Variants in KIFAP3 observed in about 807,000 individuals in gnomAD.
The protein encoded by KIFAP3 is kinesin-associated protein 3.
A neutral mutation model predicts 106.5 loss-of-function variants in KIFAP3; 68 were observed. The observed-to-expected ratio is 0.64, with a 90% CI of 0.53 to 0.78. KIFAP3 has a LOEUF of 0.78. KIFAP3 is among the 30% of genes least tolerant of loss of function. The pLI is 0.00. For missense variants in KIFAP3, 780 were observed against 941.8 expected (o/e 0.83, Z 2.25); for synonymous variants, 320 against 311.5 (o/e 1.03, Z -0.29).
chr1:170,018,326 G>A (rs1668625078), intron 9 of KIFAP3, among the ~76,000 whole-genome samples: 1 of 152,048 alleles, frequency 6.6e-6, no homozygotes, highest in Admixed American at 6.6e-5. Flanking sequence ...TGAAGAAAAG[G>A]TTTGCAAACC....
At chr1:169,994,226 G>A (rs1306671403) in intron 10 of KIFAP3, among the ~76,000 whole-genome samples, 1 of 152,160 alleles carries the variant, frequency 6.6e-6, no homozygotes, top group Non-Finnish European at 1.5e-5. Context: ...TTGCCACACA[G>A]CCTTGTCAGT....
chr1:170,006,365 A>C (rs555010048), intron 10 of KIFAP3, among the ~76,000 whole-genome samples: 108 of 152,278 alleles, frequency 7.1e-4, no homozygotes, highest in Non-Finnish European at 1.2e-3. Flanking sequence ...TGCCATGCTA[A>C]TGGTGGTTCA....
intron 19 of KIFAP3, among the ~76,000 whole-genome samples, chr1:169,928,723 T>TAAAAAAAAAAAAAA (rs1258694998): frequency 4.4e-4 from 29 of 65,346 alleles, no homozygotes; most frequent in African/African-American, 5.9e-4. Flanking sequence ...AAAAAAAAAT[T>TAAAAAAAAAAAAAA]AAAGTTATAC....
At chr1:169,954,292 T>C (rs998557464) in intron 18 of KIFAP3, among the ~76,000 whole-genome samples, 182 bp from the exon 19 acceptor site, 1 of 152,226 alleles carries the variant, frequency 6.6e-6, no homozygotes, top group Non-Finnish European at 1.5e-5. Flanking sequence ...TGGTTCACAA[T>C]AATGCAGCAC....
chr1:170,056,385 A>G (rs768660793), intron 1 of KIFAP3, among the ~76,000 whole-genome samples: 1 of 152,294 alleles, frequency 6.6e-6, no homozygotes, highest in East Asian at 1.9e-4. Context: ...TCAAGCCAAT[A>G]AAGTCGCAAA....
intron 1 of KIFAP3, among the ~76,000 whole-genome samples, chr1:170,066,807 C>T (rs1671470596): frequency 1.3e-5 from 2 of 152,058 alleles, no homozygotes; most frequent in Non-Finnish European, 2.9e-5. Flanking sequence ...ACCAACAAGA[C>T]TAAAAAGCCC....
At chr1:170,003,508 G>A (rs556798026) in intron 10 of KIFAP3, among the ~76,000 whole-genome samples, 10 of 152,180 alleles carry the variant, frequency 6.6e-5, no homozygotes, top group East Asian at 3.9e-4. Flanking sequence ...CAGTCTGCCC[G>A]TTCTCAGATC....
At chr1:169,965,023 T>G (rs1449603246) in intron 17 of KIFAP3, among the ~76,000 whole-genome samples, 2 of 152,116 alleles carry the variant, frequency 1.3e-5, no homozygotes, top group African/African-American at 4.8e-5. Context: ...GGTAAGACAT[T>G]TAATACATTA....
intron 8 of KIFAP3, among the ~76,000 whole-genome samples, chr1:170,030,829 C>T (rs1669366232): frequency 6.6e-6 from 1 of 151,674 alleles, no homozygotes. Context: ...TGTAAAGATG[C>T]ATGAGGAAAT....
In KIFAP3 at chr1:169,961,105, A is replaced by G. The variant is rs1283157106; in HGVS notation, c.2114T>C (p.Ile705Thr). 8 of 1,613,512 alleles carry G rather than the reference A, an allele frequency of 5.0e-6. No individual in the cohort carries two copies. The Admixed American group carries it at 1.0e-4, about 20-fold the overall frequency. ...SEQYLYGDDR[I>T]EPYIHEGDIL... ...ATCTCCTTCATGAATGTATGGCTCA[A>G]TTCGATCATCACCATACAAGTACTG... Residue 705 changes from isoleucine (I) to threonine (T), a missense_variant, in exon 18 of 20, where the codon ATT (isoleucine) becomes ACT (threonine). Ile to Thr is a moderately conservative substitution (Grantham distance 89, BLOSUM62 -1). Coordinates refer to ENST00000361580, the MANE Select transcript of KIFAP3 (RefSeq NM_014970.4).
intron 18 of KIFAP3, among the ~76,000 whole-genome samples, chr1:169,956,610 CTTTTTTTTTTTTT>C (rs1163823729): frequency 9.7e-4 from 114 of 117,428 alleles, no homozygotes; most frequent in Admixed American, 3.1e-3. Flanking sequence ...CACTGAAGTT[CTTTTTTTTTTTTT>C]TTTTTTTTAG....
At chr1:169,971,840 G>A (rs1478565145) in intron 17 of KIFAP3, among the ~76,000 whole-genome samples, 1 of 151,898 alleles carries the variant, frequency 6.6e-6, no homozygotes, top group East Asian at 1.9e-4. Flanking sequence ...AGCAGTATAT[G>A]CCATATATAA....
At chr1:170,077,418 C>T (rs1242257653), upstream of KIFAP3, among the ~76,000 whole-genome samples, 4 of 152,116 alleles carry the variant, frequency 2.6e-5, no homozygotes, top group Non-Finnish European at 5.9e-5. Flanking sequence ...TGAATGAATA[C>T]ATTTGAAATA....
At chr1:169,980,352 G>A (rs1216290781) in intron 15 of KIFAP3, among the ~76,000 whole-genome samples, 1 of 152,084 alleles carries the variant, frequency 6.6e-6, no homozygotes, top group Non-Finnish European at 1.5e-5. Context: ...TCTCATATTA[G>A]CATTTTTAAC....
intron 1 of KIFAP3, 128 bp downstream of exon 1, chr1:170,074,308 T>C: frequency 1.8e-6 from 2 of 1,114,840 alleles, no homozygotes; most frequent in Non-Finnish European, 2.6e-6. Context: ...CTCCTTTCGG[T>C]GACTTCTCTC....
intron 10 of KIFAP3, among the ~76,000 whole-genome samples, chr1:169,995,843 A>G (rs1667343328): frequency 6.6e-6 from 1 of 152,128 alleles, no homozygotes; most frequent in African/African-American, 2.4e-5. Flanking sequence ...GAAGCTAAAA[A>G]AATTAAAATA....
At chr1:170,066,804 A>G (rs1671470380) in intron 1 of KIFAP3, among the ~76,000 whole-genome samples, 1 of 152,210 alleles carries the variant, frequency 6.6e-6, no homozygotes, top group Admixed American at 6.5e-5. Context: ...GTCACCAACA[A>G]GACTAAAAAG....
intron 1 of KIFAP3, among the ~76,000 whole-genome samples, chr1:170,065,458 C>G (rs1402347172): frequency 6.6e-6 from 1 of 151,322 alleles, no homozygotes; most frequent in Non-Finnish European, 1.5e-5. Flanking sequence ...CTAAAAAATA[C>G]AAAAAATTAG....
intron 17 of KIFAP3, among the ~76,000 whole-genome samples, chr1:169,967,686 A>T (rs928897556): frequency 6.6e-6 from 1 of 151,864 alleles, no homozygotes; most frequent in Non-Finnish European, 1.5e-5. Flanking sequence ...AAAACCTATG[A>T]TTTATACCAT....
Sources: gnomAD v4.1 joint callset for allele counts (sites outside exome capture counted in the v4.1 genomes callset) on GRCh38, gnomAD v4.1.1 for gene constraint, MANE v1.5 for transcripts, NCBI Gene and HGNC (gene_info 2026-07-23, HGNC 2026-07-21) for gene names.